CSMD1: variants seen among roughly 807,000 people sequenced by gnomAD.
CSMD1 encodes the protein CUB and sushi domain-containing protein 1.
In CSMD1, 213 loss-of-function variants were observed where a neutral mutation model predicts 417.5. The observed-to-expected ratio is 0.51, with a 90% CI of 0.46 to 0.57. CSMD1 has a LOEUF of 0.57. CSMD1 is among the 20% of genes least tolerant of loss of function. CSMD1 has a pLI of 0.00. For missense variants in CSMD1, 6,923 were observed against 4,529.7 expected, an observed-to-expected ratio of 1.53 and a Z score of -15.17; for synonymous variants, 2,862 against 1,736.8, an observed-to-expected ratio of 1.65 and a Z score of -16.11.
In CSMD1 at chr8:4,166,101, G is replaced by A. The variant is rs577009980; in HGVS notation, c.416-134002C>T. Among the ~76,000 whole-genome samples, 10 of 152,214 alleles carry A rather than the reference G, an allele frequency of 6.6e-5. No individual in the cohort carries two copies. In the South Asian group the frequency reaches 2.1e-3, roughly 32 times the overall value. On this transcript the variant is annotated intron_variant, in intron 3 of 69. Transcript: ENST00000635120. The stretch of plus-strand genomic sequence containing the variant: ...CATTAATTACATTCTTAATGATGAG[G>A]TCATAGAGCAGCACTGTCTGATGCA...
At chr8:3,866,468 A>G (rs529390278) in intron 5 of CSMD1, among the ~76,000 whole-genome samples, 4 of 152,290 alleles carry the variant, frequency 2.6e-5, no homozygotes, top group Admixed American at 1.3e-4. Context: ...TGCTTGTGAT[A>G]TTAATATTTT....
intron 2 of CSMD1, among the ~76,000 whole-genome samples, chr8:4,454,208 C>G (rs1036165842): frequency 2.0e-5 from 3 of 152,102 alleles, no homozygotes; most frequent in Non-Finnish European, 4.4e-5. Flanking sequence ...AACTCCGTGT[C>G]TCCTTATCCA....
intron 1 of CSMD1, among the ~76,000 whole-genome samples, chr8:4,916,935 G>A (rs573069414): frequency 3.9e-4 from 59 of 152,346 alleles, no homozygotes; most frequent in African/African-American, 1.3e-3. Context: ...TCAACAGGGT[G>A]TGAGACATGT....
At chr8:3,421,067 C>T (rs141800429) in intron 12 of CSMD1, among the ~76,000 whole-genome samples, 1 of 152,158 alleles carries the variant, frequency 6.6e-6, no homozygotes, top group East Asian at 1.9e-4. Flanking sequence ...ATTACAATAA[C>T]TGAAGACGAA....
At chr8:4,574,265 G>T (rs1649929156) in intron 2 of CSMD1, among the ~76,000 whole-genome samples, 1 of 152,140 alleles carries the variant, frequency 6.6e-6, no homozygotes, top group Non-Finnish European at 1.5e-5. Flanking sequence ...GGCATCTGAG[G>T]GAATTTCCTG....
chr8:3,332,232 C>T (rs955930041), intron 23 of CSMD1, among the ~76,000 whole-genome samples: 4 of 152,246 alleles, frequency 2.6e-5, no homozygotes, highest in South Asian at 2.1e-4. Flanking sequence ...TTCCTTAAAA[C>T]GTCATCTCTA....
intron 1 of CSMD1, among the ~76,000 whole-genome samples, chr8:4,758,739 AT>A (rs1056001030): frequency 4.6e-5 from 7 of 152,312 alleles, no homozygotes; most frequent in African/African-American, 1.7e-4. Flanking sequence ...GGAAACTGCC[AT>A]TAATGAAACC....
chr8:3,326,614 G>T (rs1471476561), intron 23 of CSMD1, among the ~76,000 whole-genome samples: 2 of 152,202 alleles, frequency 1.3e-5, no homozygotes, highest in East Asian at 1.9e-4. Context: ...ACCAGGAATT[G>T]TATGTTTGCA....
At chr8:4,930,290 G>C (rs988093253) in intron 1 of CSMD1, among the ~76,000 whole-genome samples, 1 of 152,104 alleles carries the variant, frequency 6.6e-6, no homozygotes, top group African/African-American at 2.4e-5. Flanking sequence ...ATGTAAAAGT[G>C]TCATATGCAA....
At chr8:4,808,207 G>T (rs1320279790) in intron 1 of CSMD1, among the ~76,000 whole-genome samples, 1 of 152,216 alleles carries the variant, frequency 6.6e-6, no homozygotes, top group African/African-American at 2.4e-5. Flanking sequence ...GCCAGCACCA[G>T]TCGGTCAGCA....
intron 1 of CSMD1, among the ~76,000 whole-genome samples, chr8:4,866,416 T>C (rs959752101): frequency 6.6e-6 from 1 of 152,054 alleles, no homozygotes; most frequent in African/African-American, 2.4e-5. Context: ...ATTGTTTCTC[T>C]AAGATAATCT....
At chr8:3,007,617 C>T (rs10481366) in intron 52 of CSMD1, among the ~76,000 whole-genome samples, 1,526 of 151,340 alleles carry the variant, frequency 0.01, 15 homozygotes, top group Middle Eastern at 0.044. Context: ...TCGTGTCCTT[C>T]GTAGGGACAT....
chr8:4,187,379 G>C (rs940237025), intron 3 of CSMD1, among the ~76,000 whole-genome samples: 23 of 152,250 alleles, frequency 1.5e-4, no homozygotes, highest in African/African-American at 5.5e-4. Context: ...AGGCACGGTG[G>C]CTGATGCCTA....
chr8:3,101,053 G>A (rs1394327428), intron 46 of CSMD1, among the ~76,000 whole-genome samples: 1 of 27,174 alleles, frequency 3.7e-5, no homozygotes, highest in East Asian at 9.8e-4. Flanking sequence ...AATACGTATG[G>A]TGTTTTTTTT....
intron 3 of CSMD1, among the ~76,000 whole-genome samples, chr8:4,061,450 A>C (rs1340629548): frequency 6.6e-6 from 1 of 152,252 alleles, no homozygotes; most frequent in African/African-American, 2.4e-5. Context: ...TAGCTCCCTG[A>C]AAATGGATAA....
chr8:4,443,063 G>T (rs560128456), intron 2 of CSMD1, among the ~76,000 whole-genome samples: 1 of 152,122 alleles, frequency 6.6e-6, no homozygotes, highest in South Asian at 2.1e-4. Context: ...AATTATTTGA[G>T]AAGAGTCAGA....
intron 2 of CSMD1, among the ~76,000 whole-genome samples, chr8:4,463,837 C>G (rs1015848467): frequency 6.6e-6 from 1 of 151,858 alleles, no homozygotes; most frequent in African/African-American, 2.4e-5. Context: ...ATGCATAACC[C>G]CAGGAATATA....
intron 3 of CSMD1, among the ~76,000 whole-genome samples, chr8:4,058,289 T>C (rs1378730288): frequency 1.3e-5 from 2 of 152,128 alleles, no homozygotes; most frequent in Admixed American, 6.5e-5. Flanking sequence ...TTATTCTCTT[T>C]GAAGCAACTG....
intron 5 of CSMD1, among the ~76,000 whole-genome samples, chr8:3,789,948 G>C (rs1259344909): frequency 6.6e-6 from 1 of 152,006 alleles, no homozygotes; most frequent in African/African-American, 2.4e-5. Context: ...AGCCAGGATG[G>C]TCTCGATCTC....
Sources: allele counts gnomAD v4.1 joint callset (sites outside exome capture counted in the v4.1 genomes callset), GRCh38; gene constraint gnomAD v4.1.1; transcripts MANE v1.5; gene names NCBI Gene and HGNC (gene_info 2026-07-23, HGNC 2026-07-21).